Variants in SGIP1 observed in about 807,000 individuals in gnomAD.
SGIP1 encodes SH3-containing GRB2-like protein 3-interacting protein 1.
SGIP1 carries 38 observed loss-of-function variants against 107.5 expected under a neutral mutation model. That is an observed-to-expected ratio of 0.35 (90% confidence interval 0.27 to 0.46). The LOEUF (loss-of-function observed/expected upper bound fraction) is 0.46. SGIP1 is among the 20% of genes least tolerant of loss of function. The pLI is 1.00. For missense variants in SGIP1, 929 were observed against 1,019.5 expected, an observed-to-expected ratio of 0.91 and a Z score of 1.21; for synonymous variants, 365 against 366.1, an observed-to-expected ratio of 1.00 and a Z score of 0.03.
At chr1:66,692,743 TG>T (rs2090140056) in intron 17 of SGIP1, among the ~76,000 whole-genome samples, 2 of 152,198 alleles carry the variant, frequency 1.3e-5, no homozygotes, top group Admixed American at 6.6e-5. Flanking sequence ...GAACCAAAAT[TG>T]GGGCAAATCT....
chr1:66,592,551 C>T (rs1364460824), intron 1 of SGIP1, among the ~76,000 whole-genome samples: 3 of 152,194 alleles, frequency 2.0e-5, no homozygotes, highest in Non-Finnish European at 2.9e-5. Context: ...TTCTTTTCCC[C>T]ACGGAGTGAT....
chr1:66,628,776 C>T (rs1373233749), intron 2 of SGIP1, among the ~76,000 whole-genome samples: 8 of 152,156 alleles, frequency 5.3e-5, no homozygotes, highest in African/African-American at 1.7e-4. Flanking sequence ...CTCACAGCTA[C>T]GGGTAGAGGC....
chr1:66,563,501 C>G (rs937703511), intron 1 of SGIP1, among the ~76,000 whole-genome samples: 26 of 151,958 alleles, frequency 1.7e-4, no homozygotes, highest in Admixed American at 6.6e-5. Flanking sequence ...TGACTGTGAC[C>G]CTGGCTCTCC....
chr1:66,661,126 C>A (rs575991093), intron 8 of SGIP1, among the ~76,000 whole-genome samples: 18 of 152,068 alleles, frequency 1.2e-4, no homozygotes, highest in Non-Finnish European at 2.6e-4. Flanking sequence ...AAGTCTGATA[C>A]GATGTACCTA....
intron 1 of SGIP1, among the ~76,000 whole-genome samples, chr1:66,595,199 T>C (rs2064393925): frequency 1.3e-5 from 2 of 152,208 alleles, no homozygotes; most frequent in African/African-American, 4.8e-5. Flanking sequence ...TGACCTTTCT[T>C]TAGCTCTGTT....
chr1:66,699,478 G>C (rs910134373), intron 18 of SGIP1, among the ~76,000 whole-genome samples: 2 of 152,126 alleles, frequency 1.3e-5, no homozygotes, highest in African/African-American at 2.4e-5. Flanking sequence ...TGTCTCACAT[G>C]CTGGCTCCAG....
At chr1:66,680,661 T>G (rs1182846824) in intron 14 of SGIP1, among the ~76,000 whole-genome samples, 1 of 152,240 alleles carries the variant, frequency 6.6e-6, no homozygotes, top group Non-Finnish European at 1.5e-5. Flanking sequence ...GCCCCTTTTA[T>G]TTCCACAAAT....
rs1182836137 is a variant in SGIP1 at position 66,739,342 on chromosome 1, C to T, written c.2039C>T (p.Ala680Val). ...TTCCTGTCGTTCGGCAAGGTGTCTGCCCAGGGCATTCAGTCCACACCTCTG... is the reference window on the plus strand; with the variant it reads ...TTCCTGTCGTTCGGCAAGGTGTCTGTCCAGGGCATTCAGTCCACACCTCTG... ...NVDMLKYQVS[A>V]QGIQSTPLNL... Residue 680 changes from alanine to valine, a missense_variant, in exon 22 of 25, where the codon GCC becomes GTC. Around this residue, in one of 2 missense-constraint regions of SGIP1, gnomAD observed 341 missense variants for 430.9 expected, o/e 0.79. Coordinates refer to ENST00000371037, the MANE Select transcript of SGIP1 (RefSeq NM_032291.4). The T allele has an allele frequency of 4.3e-6, 7 of 1,613,944 alleles. No individual in the cohort carries two copies. In the East Asian group the frequency reaches 1.6e-4, roughly 36 times the overall value.
Position 66,743,691 on chromosome 1 carries a change from G to T in SGIP1, c.*596G>T, listed in dbSNP as rs1415145039. ...AACTATTTCAGAAAAAAATTCTAAG[G>T]TTACAGCATATTCAAAGAAAAGCAT... On this transcript the variant is annotated 3_prime_UTR_variant, in exon 25 of 25. Coordinates refer to ENST00000371037, the MANE Select transcript of SGIP1 (RefSeq NM_032291.4). 7 of 152,396 alleles carry T rather than the reference G, an allele frequency of 4.6e-5. No individual in the cohort carries two copies. The highest frequency in any genetic ancestry group is 3.3e-4 in the Admixed American group (5 of 15,266). The allele number at this position is 152,396 out of a possible 1,614,324, so 9.4% of individuals were successfully genotyped here.
chr1:66,629,771 C>T (rs2073842358), intron 2 of SGIP1, among the ~76,000 whole-genome samples: 1 of 151,872 alleles, frequency 6.6e-6, no homozygotes, highest in Admixed American at 6.6e-5. Context: ...GAACACATGC[C>T]CAAGTGTCTG....
At chr1:66,539,788 C>G (rs1220363930) in intron 1 of SGIP1, among the ~76,000 whole-genome samples, 2 of 152,202 alleles carry the variant, frequency 1.3e-5, no homozygotes, top group Admixed American at 6.5e-5. Flanking sequence ...CCTCAGGCAG[C>G]CTTTGCTATC....
chr1:66,706,139 A>G (rs993469395), intron 18 of SGIP1, among the ~76,000 whole-genome samples: 18 of 151,746 alleles, frequency 1.2e-4, no homozygotes, highest in African/African-American at 3.9e-4. Context: ...TTGGTTCACA[A>G]TTTATTTCTT....
chr1:66,645,445 G>C (rs948690659), intron 7 of SGIP1, among the ~76,000 whole-genome samples: 2 of 152,138 alleles, frequency 1.3e-5, no homozygotes, highest in African/African-American at 4.8e-5. Flanking sequence ...GACATGATGT[G>C]GTTAAGATTC....
At chr1:66,655,174 A>C (rs1414857824) in intron 7 of SGIP1, among the ~76,000 whole-genome samples, 1 of 151,824 alleles carries the variant, frequency 6.6e-6, no homozygotes, top group Admixed American at 6.6e-5. Flanking sequence ...TAAAGCCAAA[A>C]TCTTCACGGT....
intron 19 of SGIP1, among the ~76,000 whole-genome samples, chr1:66,722,537 C>T (rs1338206003): frequency 2.6e-5 from 4 of 152,068 alleles, no homozygotes; most frequent in Non-Finnish European, 5.9e-5. Flanking sequence ...AATTACTCAC[C>T]TAATATTTAC....
chr1:66,579,444 G>A (rs576767017), intron 1 of SGIP1, among the ~76,000 whole-genome samples: 11 of 152,322 alleles, frequency 7.2e-5, no homozygotes, highest in Non-Finnish European at 1.6e-4. Flanking sequence ...AGATCCACAT[G>A]AGACTATGGC....
rs915150694 is a variant in SGIP1, at chr1:66,747,568, A to C, written c.*4473A>C. Reference sequence around the variant, plus strand: ...GTTATTTATTCAAATACAAAATCCTAATCAATGTTTCCTTCTTTGCAAGGG... The same window carrying C: ...GTTATTTATTCAAATACAAAATCCTCATCAATGTTTCCTTCTTTGCAAGGG... On this transcript the variant is annotated 3_prime_UTR_variant, in exon 25 of 25. Transcript: ENST00000371037. The C allele has an allele frequency of 3.9e-5, 6 of 152,008 alleles. No homozygotes were observed. The highest frequency in any genetic ancestry group is 3.9e-4 in the Admixed American group (6 of 15,262). 9.4% of individuals were successfully genotyped at this position (152,008 alleles called of 1,614,324 possible). A position where few individuals can be genotyped will look rare whatever the true frequency, so the allele number is the denominator to read the frequency against.
intron 18 of SGIP1, among the ~76,000 whole-genome samples, chr1:66,699,811 A>C (rs905945254): frequency 6.6e-6 from 1 of 152,224 alleles, no homozygotes; most frequent in African/African-American, 2.4e-5. Context: ...TATATATAGT[A>C]TGAATATTGT....
intron 21 of SGIP1, among the ~76,000 whole-genome samples, chr1:66,738,382 C>A (rs1349915868): frequency 6.6e-6 from 1 of 152,154 alleles, no homozygotes; most frequent in Admixed American, 6.5e-5. Flanking sequence ...AATCCAAGGG[C>A]ATAGACACCA....
Sources: allele counts gnomAD v4.1 joint callset (sites outside exome capture counted in the v4.1 genomes callset), GRCh38; gene constraint gnomAD v4.1.1; regional missense constraint gnomAD v4.1.1; transcripts MANE v1.5; gene names NCBI Gene and HGNC (gene_info 2026-07-23, HGNC 2026-07-21).